ATP2B2: variants seen among roughly 807,000 people sequenced by gnomAD.
ATP2B2 encodes the protein ATPase plasma membrane Ca2+ transporting 2.
ATP2B2 carries 15 observed loss-of-function variants against 120.0 expected under a neutral mutation model. That is an observed-to-expected ratio of 0.12 (90% CI 0.08 to 0.19). The LOEUF (loss-of-function observed/expected upper bound fraction) is 0.19. ATP2B2 is among the 10% of genes least tolerant of loss of function. ATP2B2 has a pLI of 1.00. For synonymous variants in ATP2B2, 694 were observed against 700.3 expected (o/e 0.99, Z 0.14); for missense variants, 1,045 against 1,719.8 (o/e 0.61, Z 6.94).
At chr3:10,434,506 A>G (rs1474456068) in intron 2 of ATP2B2, among the ~76,000 whole-genome samples, 1 of 152,218 alleles carries the variant, frequency 6.6e-6, no homozygotes, top group African/African-American at 2.4e-5. Flanking sequence ...AGGAAGAAAA[A>G]AGGGAGGGGC....
intron 1 of ATP2B2, among the ~76,000 whole-genome samples, chr3:10,695,321 T>A (rs1001163782): frequency 6.7e-6 from 1 of 150,230 alleles, no homozygotes; most frequent in African/African-American, 2.5e-5. Context: ...TTTAAAACCA[T>A]CAGATCTTGT....
At chr3:10,473,402 C>A (rs1330068565) in intron 1 of ATP2B2, among the ~76,000 whole-genome samples, 1 of 151,638 alleles carries the variant, frequency 6.6e-6, no homozygotes, top group East Asian at 1.9e-4. Flanking sequence ...GAGGCGGAGG[C>A]AGGTGGATCA....
At chr3:10,481,771 C>T (rs1275380324) in intron 1 of ATP2B2, among the ~76,000 whole-genome samples, 1 of 152,200 alleles carries the variant, frequency 6.6e-6, no homozygotes, top group Non-Finnish European at 1.5e-5. Flanking sequence ...CCAGGCTAGT[C>T]TCAAACTCCT....
At chr3:10,505,306 G>C (rs1453643741) in intron 1 of ATP2B2, among the ~76,000 whole-genome samples, 159 bp downstream of exon 1, 17 of 151,880 alleles carry the variant, frequency 1.1e-4, no homozygotes, top group Admixed American at 1.1e-3. Flanking sequence ...AACAAGCCCT[G>C]CTCCCACCCC....
chr3:10,571,426 C>CT (rs2125544956), intron 2 of ATP2B2, among the ~76,000 whole-genome samples: 1 of 152,336 alleles, frequency 6.6e-6, no homozygotes, highest in Admixed American at 6.5e-5. Context: ...AGCATGCTGC[C>CT]TGGAGTCCCT....
rs181834892 is a variant in ATP2B2 at position 10,588,603 on chromosome 3, C to A, written c.-415+31314G>T. Reference sequence around the variant, plus strand: ...TCATCCAGCCTGACTCCACCAGTATCCACCAGAATGGAGGGAAGCATGGAT... The same window carrying A: ...TCATCCAGCCTGACTCCACCAGTATACACCAGAATGGAGGGAAGCATGGAT... On this transcript the variant is annotated intron_variant, in intron 2 of 21. Coordinates refer to the ATP2B2 transcript ENST00000646379. Among the ~76,000 whole-genome samples the A allele has an allele frequency of 9.5e-4, 145 of 152,294 alleles. 1 individual carries two copies. The highest frequency in any genetic ancestry group is 2.9e-3 in the Admixed American group (45 of 15,296).
intron 1 of ATP2B2, among the ~76,000 whole-genome samples, chr3:10,495,353 A>G (rs2066102586): frequency 6.6e-6 from 1 of 152,182 alleles, no homozygotes; most frequent in Admixed American, 6.5e-5. Context: ...CTTAGGTCCA[A>G]TGCAAAGGGG....
intron 3 of ATP2B2, among the ~76,000 whole-genome samples, 158 bp downstream of exon 3, chr3:10,410,460 C>G (rs1199888160): frequency 6.6e-6 from 1 of 152,252 alleles, no homozygotes; most frequent in Non-Finnish European, 1.5e-5. Context: ...GGCTCGGCCA[C>G]CCTTTGGCTG....
intron 3 of ATP2B2, among the ~76,000 whole-genome samples, chr3:10,514,499 A>G (rs984985045): frequency 4.6e-5 from 7 of 152,236 alleles, no homozygotes; most frequent in South Asian, 4.2e-4. Context: ...GTTTATGTGG[A>G]CTTGCGGCGC....
At chr3:10,504,440 T>C (rs564350136) in intron 1 of ATP2B2, among the ~76,000 whole-genome samples, 2 of 152,108 alleles carry the variant, frequency 1.3e-5, no homozygotes, top group Non-Finnish European at 2.9e-5. Flanking sequence ...TAAGACCCTC[T>C]GCCGGCTGGT....
chr3:10,665,856 G>C (rs1216026634), intron 1 of ATP2B2, among the ~76,000 whole-genome samples: 1 of 152,196 alleles, frequency 6.6e-6, no homozygotes, highest in Non-Finnish European at 1.5e-5. Context: ...GAAGGAAAAA[G>C]AGACCAGGGC....
intron 3 of ATP2B2, among the ~76,000 whole-genome samples, chr3:10,519,386 T>C (rs747307879): frequency 6.6e-5 from 10 of 152,180 alleles, no homozygotes; most frequent in South Asian, 2.1e-4. Flanking sequence ...CAAGGGGCTA[T>C]TGAGGACTTG....
In ATP2B2 at chr3:10,660,640, C is replaced by T. The variant is rs959271394; in HGVS notation, c.-459-40679G>A. Among the ~76,000 whole-genome samples the T allele has an allele frequency of 9.2e-5, 14 of 152,240 alleles. No homozygotes were observed. In the South Asian group the frequency reaches 1.0e-3, roughly 11 times the overall value. On this transcript the variant is annotated intron_variant, in intron 1 of 21. Transcript: ENST00000646379. ...CAACCAAAAAAAGTCCAGGACCAGA[C>T]GGATTCACAGCCGAATTCTACCAGA...
chr3:10,429,184 C>A (rs921924078), intron 2 of ATP2B2, among the ~76,000 whole-genome samples: 1 of 152,134 alleles, frequency 6.6e-6, no homozygotes, highest in Admixed American at 6.6e-5. Flanking sequence ...CTGAGAGGCT[C>A]CGCTCTGTTA....
rs2061252311 is a variant in ATP2B2 at position 10,371,833 on chromosome 3, G to A, written c.1635C>T (p.Asn545=). ...CCAGAATCTTGGTGGTGTAGGCGCT[G>A]TTGATGGCGATGGCATTGATCAGCA... ...MELLINAIAI[N]SAYTTKILPP... Residue 545 remains asparagine, a synonymous_variant, in exon 12 of 23, where the codon AAC becomes AAT. Coordinates refer to ENST00000360273, the MANE Select transcript of ATP2B2 (RefSeq NM_001001331.4). 1.9e-6 allele frequency: 3 copies of A among 1,614,192 alleles called. No homozygotes were observed. Among genetic ancestry groups the A allele is most frequent in the South Asian group, 2.2e-5 (2 of 91,078 alleles).
intron 16 of ATP2B2, among the ~76,000 whole-genome samples, chr3:10,349,312 A>G (rs1363341580): frequency 1.3e-5 from 2 of 152,112 alleles, no homozygotes; most frequent in Non-Finnish European, 2.9e-5. Context: ...AAAATTATCC[A>G]GGCACGTTGA....
At chr3:10,576,871 T>C (rs1376829786) in intron 2 of ATP2B2, among the ~76,000 whole-genome samples, 1 of 151,954 alleles carries the variant, frequency 6.6e-6, no homozygotes, top group African/African-American at 2.4e-5. Flanking sequence ...GAGACCAGCC[T>C]GGTCAATATG....
intron 1 of ATP2B2, among the ~76,000 whole-genome samples, chr3:10,697,188 C>A (rs1836288): frequency 0.33 from 50,034 of 151,988 alleles, 11,034 homozygotes; most frequent in African/African-American, 0.63. Context: ...CACTGCACCA[C>A]GCCTTTCCTA....
chr3:10,395,902 CAT>C (rs1451335473), intron 5 of ATP2B2, among the ~76,000 whole-genome samples: 1 of 152,198 alleles, frequency 6.6e-6, no homozygotes, highest in African/African-American at 2.4e-5. Context: ...GCCCTGCAGA[CAT>C]ATGAGTTTGC....
Sources: gnomAD v4.1 joint callset for allele counts (sites outside exome capture counted in the v4.1 genomes callset) on GRCh38, gnomAD v4.1.1 for gene constraint, MANE v1.5 for transcripts, NCBI Gene and HGNC (gene_info 2026-07-23, HGNC 2026-07-21) for gene names.